Variants in NRXN1 observed in about 807,000 individuals in gnomAD.
The protein encoded by NRXN1 is neurexin 1.
Under a neutral mutation model 150.9 loss-of-function variants are expected in NRXN1, and 39 were observed. The ratio of observed to expected loss-of-function variants is 0.26; its 90% CI spans 0.20 to 0.34. NRXN1 has a LOEUF of 0.34. Among genes scored for constraint, NRXN1 ranks in the 10% least tolerant of loss-of-function variants. The probability of loss-of-function intolerance (pLI) is 1.00; values close to 1 mark genes in which losing one functional copy is unlikely to be tolerated. For synonymous variants in NRXN1, 924 were observed against 757.0 expected, an observed-to-expected ratio of 1.22 and a Z score of -3.62; for missense variants, 1,815 against 1,949.9, an observed-to-expected ratio of 0.93 and a Z score of 1.30.
chr2:50,653,656 G>A (rs377349636), intron 5 of NRXN1, among the ~76,000 whole-genome samples: 81 of 152,084 alleles, frequency 5.3e-4, no homozygotes, highest in African/African-American at 1.9e-3. Context: ...ATAATGAACA[G>A]AAGTTCAAAT....
intron 18 of NRXN1, among the ~76,000 whole-genome samples, chr2:50,197,621 T>A (rs544835305): frequency 6.6e-6 from 1 of 152,154 alleles, no homozygotes; most frequent in Admixed American, 6.6e-5. Flanking sequence ...CCTTGATAAC[T>A]TCCTTCTAGA....
At chr2:50,302,810 G>T (rs1430931074) in intron 17 of NRXN1, among the ~76,000 whole-genome samples, 2 of 151,964 alleles carry the variant, frequency 1.3e-5, no homozygotes, top group African/African-American at 4.8e-5. Flanking sequence ...ATTTTTAATT[G>T]AATTTTAAAG....
chr2:50,760,938 C>A (rs1280632645), intron 5 of NRXN1, among the ~76,000 whole-genome samples: 4 of 151,904 alleles, frequency 2.6e-5, no homozygotes, highest in Non-Finnish European at 5.9e-5. Context: ...TCAATACCTC[C>A]CAAATGATTT....
intron 17 of NRXN1, among the ~76,000 whole-genome samples, chr2:50,250,342 G>C (rs1447908112): frequency 6.6e-6 from 1 of 151,992 alleles, no homozygotes; most frequent in Non-Finnish European, 1.5e-5. Flanking sequence ...TTTATTGGCA[G>C]GATTTTGATG....
At chr2:50,088,090 A>AAAT (rs1441011266) in intron 19 of NRXN1, among the ~76,000 whole-genome samples, 5 of 152,118 alleles carry the variant, frequency 3.3e-5, no homozygotes, top group Non-Finnish European at 5.9e-5. Context: ...CTTCTAATAA[A>AAAT]AATAACCCCA....
chr2:50,877,364 T>C (rs1245574326), intron 5 of NRXN1, among the ~76,000 whole-genome samples: 2 of 151,918 alleles, frequency 1.3e-5, no homozygotes, highest in Non-Finnish European at 2.9e-5. Flanking sequence ...AATTCTAAGG[T>C]AGAAAAGATG....
chr2:50,546,476 C>T (rs761189012), intron 9 of NRXN1, among the ~76,000 whole-genome samples: 1 of 152,046 alleles, frequency 6.6e-6, no homozygotes, highest in Non-Finnish European at 1.5e-5. Flanking sequence ...ATAAATTTTG[C>T]TACTTAGATG....
intron 5 of NRXN1, among the ~76,000 whole-genome samples, chr2:50,855,507 G>T (rs180851910): frequency 1.7e-3 from 252 of 151,986 alleles, no homozygotes; most frequent in Non-Finnish European, 2.8e-3. Context: ...CAAATAGTAA[G>T]TTAATTTATC....
At chr2:50,243,119 T>C (rs575724335) in intron 17 of NRXN1, among the ~76,000 whole-genome samples, 28 of 151,870 alleles carry the variant, frequency 1.8e-4, no homozygotes, top group African/African-American at 5.1e-4. Flanking sequence ...AGGGTGACTA[T>C]GGTTAATATT....
intron 5 of NRXN1, among the ~76,000 whole-genome samples, chr2:50,693,490 T>G (rs1036806537): frequency 1.3e-5 from 2 of 152,096 alleles, no homozygotes; most frequent in Non-Finnish European, 2.9e-5. Context: ...TCCTCCTGCC[T>G]ACAATTGCGT....
intron 8 of NRXN1, among the ~76,000 whole-genome samples, chr2:50,604,133 C>T (rs1573749478): frequency 6.6e-6 from 1 of 152,258 alleles, no homozygotes; most frequent in African/African-American, 2.4e-5. Context: ...GAGGCTTAGG[C>T]TCTTTTGATC....
At chr2:50,990,692 C>A (rs534247641) in intron 2 of NRXN1, among the ~76,000 whole-genome samples, 1 of 151,922 alleles carries the variant, frequency 6.6e-6, no homozygotes, top group Non-Finnish European at 1.5e-5. Context: ...TCCTATTAAA[C>A]AGGAGTATGA....
chr2:50,780,581 C>G (rs1704231829), intron 5 of NRXN1, among the ~76,000 whole-genome samples: 1 of 152,138 alleles, frequency 6.6e-6, no homozygotes, highest in South Asian at 2.1e-4. Flanking sequence ...CTGGGCTCTT[C>G]TAAACTGTCT....
chr2:50,667,292 C>G (rs930359928), intron 5 of NRXN1, among the ~76,000 whole-genome samples: 2 of 151,818 alleles, frequency 1.3e-5, no homozygotes, highest in African/African-American at 4.8e-5. Context: ...TTGCTATCTT[C>G]AGAGAAGTAA....
chr2:50,127,401 A>C (rs897040310), intron 18 of NRXN1, among the ~76,000 whole-genome samples: 2 of 152,180 alleles, frequency 1.3e-5, no homozygotes, highest in African/African-American at 4.8e-5. Context: ...ATGCTTGAAA[A>C]AGTATAGGTT....
intron 5 of NRXN1, among the ~76,000 whole-genome samples, chr2:50,886,608 C>T (rs1407489001): frequency 6.6e-6 from 1 of 151,314 alleles, no homozygotes; most frequent in Non-Finnish European, 1.5e-5. Flanking sequence ...TGCTTACAAA[C>T]AAATTCTATT....
chr2:50,988,747 C>T (rs142111663), intron 2 of NRXN1, among the ~76,000 whole-genome samples: 26 of 152,068 alleles, frequency 1.7e-4, no homozygotes, highest in African/African-American at 6.3e-4. Context: ...CAGGCGTTAG[C>T]AGCTGCTGTA....
chr2:50,219,071 G>A (rs191531397), intron 18 of NRXN1, among the ~76,000 whole-genome samples: 174 of 151,820 alleles, frequency 1.1e-3, no homozygotes, highest in Admixed American at 1.2e-3. Context: ...AATAGTTATC[G>A]TACTTCAAAG....
At chr2:50,236,078 A>G (rs11900179) in intron 18 of NRXN1, among the ~76,000 whole-genome samples, 19,520 of 152,056 alleles carry the variant, frequency 0.13, 1,374 homozygotes, top group African/African-American at 0.17. Context: ...CCTGAACCCT[A>G]AAGTTAATTA....
Sources: allele counts gnomAD v4.1 joint callset (sites outside exome capture counted in the v4.1 genomes callset), GRCh38; gene constraint gnomAD v4.1.1; transcripts MANE v1.5; gene names NCBI Gene and HGNC (gene_info 2026-07-23, HGNC 2026-07-21).